The following ILKAP variants were observed in gnomAD, a reference collection of about 807,000 sequenced individuals.
ILKAP encodes the protein ILK associated serine/threonine phosphatase.
In ILKAP, 11 loss-of-function variants were observed where a neutral mutation model predicts 49.1. The ratio of observed to expected loss-of-function variants is 0.22; its 90% CI spans 0.14 to 0.37. The LOEUF (loss-of-function observed/expected upper bound fraction) is 0.37, where lower values mean the gene tolerates loss of function less well. Among genes scored for constraint, ILKAP ranks in the 10% least tolerant of loss-of-function variants. ILKAP has a pLI of 1.00. For missense variants in ILKAP, 363 were observed against 510.8 expected (o/e 0.71, Z 2.79); for synonymous variants, 186 against 192.8 (o/e 0.96, Z 0.29).
chr2:238,173,405 ATC>A (rs1255536682), intron 10 of ILKAP, 127 bp downstream of exon 10: 1 of 1,220,104 alleles, frequency 8.2e-7, no homozygotes, highest in Non-Finnish European at 1.1e-6. Context: ...CATTTTGTTT[ATC>A]TCTGCACCCC....
At chr2:238,178,208 G>T (rs1415431404) in intron 9 of ILKAP, among the ~76,000 whole-genome samples, 1 of 152,112 alleles carries the variant, frequency 6.6e-6, no homozygotes, top group African/African-American at 2.4e-5. Context: ...TTGAGACAGG[G>T]TCTCACTCTG....
At chr2:238,200,982 A>T (rs150991008) in intron 1 of ILKAP, among the ~76,000 whole-genome samples, 29 of 152,366 alleles carry the variant, frequency 1.9e-4, no homozygotes, top group African/African-American at 6.7e-4. Flanking sequence ...TAGTAAGCGA[A>T]GAGCTGGATT....
At chr2:238,203,222 C>A (rs1694650186) in intron 1 of ILKAP, among the ~76,000 whole-genome samples, 1 of 151,024 alleles carries the variant, frequency 6.6e-6, no homozygotes, top group Admixed American at 6.6e-5. Context: ...CGCCTTTCAC[C>A]GCCACGCAGA....
chr2:238,189,028 C>T (rs1694014917), intron 4 of ILKAP, among the ~76,000 whole-genome samples: 1 of 152,160 alleles, frequency 6.6e-6, no homozygotes, highest in Non-Finnish European at 1.5e-5. Context: ...ATGAAAATCC[C>T]ACAGCTCGGG....
At chr2:238,188,472 G>A (rs1454158445) in intron 4 of ILKAP, 10 of 500,808 alleles carry the variant, frequency 2.0e-5, no homozygotes, top group East Asian at 1.0e-4. Flanking sequence ...CTAAGAGGTT[G>A]CACAGGGACA....
chr2:238,188,373 G>T, intron 4 of ILKAP, 116 bp from the exon 5 acceptor site: 1 of 1,275,798 alleles, frequency 7.8e-7, no homozygotes. Context: ...TATCCTAATG[G>T]CGCAAACAAA....
chr2:238,194,405 G>A (rs1574805397), intron 2 of ILKAP, 74 bp from the exon 3 acceptor site: 8 of 1,374,612 alleles, frequency 5.8e-6, no homozygotes, highest in Non-Finnish European at 8.3e-6. Flanking sequence ...CATCCCACCA[G>A]GACACCTATG....
At chr2:238,183,498 C>T (rs1435755008) in intron 8 of ILKAP, among the ~76,000 whole-genome samples, 155 bp downstream of exon 8, 1 of 152,164 alleles carries the variant, frequency 6.6e-6, no homozygotes, top group Non-Finnish European at 1.5e-5. Context: ...TTCCCTTACC[C>T]AGAAGTTAAA....
chr2:238,202,505 C>A (rs1361078199), intron 1 of ILKAP, among the ~76,000 whole-genome samples: 1 of 152,200 alleles, frequency 6.6e-6, no homozygotes, highest in Non-Finnish European at 1.5e-5. Flanking sequence ...TCTCCAGCCC[C>A]CGCTGGGTTG....
chr2:238,188,027 G>A (rs900721700), intron 5 of ILKAP, 104 bp downstream of exon 5: 1 of 1,272,926 alleles, frequency 7.9e-7, no homozygotes, highest in Non-Finnish European at 1.1e-6. Context: ...ACAATCAAGT[G>A]ATGTGTTAGA....
Position 238,184,005 on chromosome 2 carries a change from T to C in ILKAP, c.626+15A>G. On this transcript the variant is annotated intron_variant, in intron 7 of 11. Coordinates refer to ENST00000254654, the MANE Select transcript of ILKAP (RefSeq NM_030768.3). ...CACACAGTCCACTCAAACTTCATCA[T>C]CAAGTTATACTTACTGGCTGGAAGC... 1 of 1,515,256 alleles carries C rather than the reference T, an allele frequency of 6.6e-7. No individual in the cohort carries two copies. The highest frequency in any genetic ancestry group is 9.2e-7 in the Non-Finnish European group (1 of 1,090,164). 93.9% of individuals were successfully genotyped at this position (1,515,256 alleles called of 1,614,324 possible).
intron 8 of ILKAP, among the ~76,000 whole-genome samples, chr2:238,182,494 C>A (rs770719645): frequency 6.6e-6 from 1 of 152,216 alleles, no homozygotes; most frequent in Non-Finnish European, 1.5e-5. Flanking sequence ...AAGCACTCAA[C>A]AAGTATCAAG....
At chr2:238,173,210 T>C (rs879181776) in intron 10 of ILKAP, among the ~76,000 whole-genome samples, 2 of 152,184 alleles carry the variant, frequency 1.3e-5, no homozygotes, top group Admixed American at 1.3e-4. Context: ...CACTGTCACA[T>C]TTTAATGCCT....
chr2:238,181,808 T>C (rs1239649741), intron 9 of ILKAP, among the ~76,000 whole-genome samples: 6 of 152,116 alleles, frequency 3.9e-5, no homozygotes, highest in Admixed American at 2.0e-4. Context: ...AGAAACTTCC[T>C]AGGCACAGAG....
At chr2:238,175,928 C>T (rs1054038327) in intron 9 of ILKAP, among the ~76,000 whole-genome samples, 2 of 151,872 alleles carry the variant, frequency 1.3e-5, no homozygotes, top group African/African-American at 4.8e-5. Context: ...GGACTACAGG[C>T]GCATGCCACC....
rs546130474 is a variant in ILKAP, at chr2:238,199,032, C to T, written c.56-4162G>A. 2.6e-5 allele frequency among the ~76,000 whole-genome samples: 4 copies of T among 152,248 alleles called. No individual in the cohort carries two copies. The South Asian group carries it at 8.3e-4, about 32-fold the overall frequency. On this transcript the variant is annotated intron_variant, in intron 1 of 11. Coordinates refer to ENST00000254654, the MANE Select transcript of ILKAP (RefSeq NM_030768.3). ...CTTTCCACTTTCCTTAATGCTCATG[C>T]ACATGGACTCATGCATTTTAATTTG... is the stretch of plus-strand genomic sequence containing the variant.
chr2:238,188,293 T>C (rs1300827514), intron 4 of ILKAP, 36 bp from the exon 5 acceptor site: 1 of 1,604,420 alleles, frequency 6.2e-7, no homozygotes, highest in Non-Finnish European at 8.5e-7. Flanking sequence ...AATACAAAAC[T>C]GTGCCCAACC....
rs1271817506 is a variant in ILKAP at position 238,185,163 on chromosome 2, T to C, written c.532+18A>G. On this transcript the variant is annotated intron_variant, in intron 6 of 11. Coordinates refer to ENST00000254654, the MANE Select transcript of ILKAP (RefSeq NM_030768.3). ...AATAACCAATTTGAGTATCAACTGA[T>C]TTAGTTCTCAGTCTCACCTTTAGGA... 6.8e-7 allele frequency: 1 copy of C among 1,481,054 alleles called. No individual in the cohort carries two copies. The highest frequency in any genetic ancestry group is 1.1e-5 in the South Asian group (1 of 87,940). The allele number at this position is 1,481,054 out of a possible 1,614,324, so 91.7% of individuals were successfully genotyped here. A position where few individuals can be genotyped will look rare whatever the true frequency, so the allele number is the denominator to read the frequency against.
chr2:238,187,812 G>A (rs546522459), intron 5 of ILKAP, among the ~76,000 whole-genome samples: 31 of 152,272 alleles, frequency 2.0e-4, no homozygotes, highest in African/African-American at 5.5e-4. Flanking sequence ...CTGCTCAACC[G>A]CGACACTACT....
Sources: gnomAD v4.1 joint callset for allele counts (sites outside exome capture counted in the v4.1 genomes callset) on GRCh38, gnomAD v4.1.1 for gene constraint, MANE v1.5 for transcripts, NCBI Gene and HGNC (gene_info 2026-07-23, HGNC 2026-07-21) for gene names.